KIF16B: variants seen among roughly 807,000 people sequenced by gnomAD.
KIF16B encodes the protein kinesin family member 16B, also known as kinesin-like protein KIF16B.
A neutral mutation model predicts 156.3 loss-of-function variants in KIF16B; 98 were observed. The ratio of observed to expected loss-of-function variants is 0.63; its 90% CI spans 0.53 to 0.74. The LOEUF is 0.74. Among genes scored for constraint, KIF16B ranks in the 30% least tolerant of loss-of-function variants. KIF16B has a pLI of 0.00. For synonymous variants in KIF16B, 564 were observed against 583.7 expected (o/e 0.97, Z 0.49); for missense variants, 1,421 against 1,606.5 (o/e 0.88, Z 1.97).
chr20:16,378,859 C>A lies in KIF16B; in HGVS notation c.3143G>T (p.Gly1048Val). ...CTCAGCCTCCAGGCTAGCCTGGAGC[C>A]CTGACTGCTCTCTGCTGCCACTGTT... ...SLNSGSREQS[G>V]LQASLEAEQE... is the part of the protein sequence containing the mutation. The change falls in exon 19 of 26, where the codon GGG becomes GTG. Residue 1048 changes from glycine to valine, a missense_variant. Gly to Val is a moderately radical substitution (Grantham distance 109). Transcript: ENST00000354981. 1.2e-6 allele frequency: 2 copies of A among 1,614,048 alleles called. No homozygotes were observed. The highest frequency in any genetic ancestry group is 1.7e-6 in the Non-Finnish European group (2 of 1,179,972).
intron 12 of KIF16B, among the ~76,000 whole-genome samples, chr20:16,488,100 A>T (rs2068177036): frequency 6.6e-6 from 1 of 152,218 alleles, no homozygotes; most frequent in Admixed American, 6.5e-5. Flanking sequence ...CAATGAAAAC[A>T]CCAAAGCCAG....
rs1282418381 is a variant in KIF16B at position 16,272,197 on chromosome 20, AT to A, written c.*1055del. ...ATAAAATTGGTGTGAATTATTACAT[AT>A]TTTGATGGAACTACTGTACAGAATG... On this transcript the variant is annotated 3_prime_UTR_variant, in exon 26 of 26. Coordinates refer to ENST00000354981, the MANE Select transcript of KIF16B (RefSeq NM_024704.5). 2 of 152,650 alleles carry A rather than the reference AT, an allele frequency of 1.3e-5. No homozygotes were observed. The highest frequency in any genetic ancestry group is 6.5e-5 in the Admixed American group (1 of 15,286). 9.5% of individuals were successfully genotyped at this position (152,650 alleles called of 1,614,324 possible). A position where few individuals can be genotyped will look rare whatever the true frequency, so the allele number is the denominator to read the frequency against.
intron 1 of KIF16B, among the ~76,000 whole-genome samples, chr20:16,530,024 A>G (rs943501153): frequency 3.3e-5 from 5 of 152,192 alleles, no homozygotes; most frequent in Non-Finnish European, 5.9e-5. Flanking sequence ...CCAAAATTTA[A>G]AAAACAAACA....
intron 25 of KIF16B, among the ~76,000 whole-genome samples, chr20:16,283,598 T>C (rs1374741237): frequency 6.6e-6 from 1 of 152,152 alleles, no homozygotes; most frequent in Non-Finnish European, 1.5e-5. Context: ...TCACAGACAG[T>C]ATGAAAACAG....
At chr20:16,483,122 G>T (rs749756753) in intron 12 of KIF16B, among the ~76,000 whole-genome samples, 2 of 152,286 alleles carry the variant, frequency 1.3e-5, no homozygotes, top group Middle Eastern at 3.4e-3. Context: ...TGGGTAATGC[G>T]TTAGGGAGAT....
chr20:16,504,499 C>A lies in KIF16B; in HGVS notation c.1049G>T (p.Arg350Leu), dbSNP rs1243687691. Residue 350 changes from arginine (R) to leucine (L), a missense_variant, in exon 10 of 26, where the codon CGC becomes CTC. Physicochemically the swap from Arg to Leu is moderately radical, Grantham distance 102. Coordinates refer to ENST00000354981, the MANE Select transcript of KIF16B (RefSeq NM_024704.5). ...GATGTTTTTGGCTCTATTTGCATAG[C>A]GAAGAGTACTTAGGGTTTCTCCATA... ...VNYGETLSTL[R>L]YANRAKNIIN... 6.2e-7 allele frequency: 1 copy of A among 1,613,916 alleles called. No individual in the cohort carries two copies. Among genetic ancestry groups the A allele is most frequent in the Non-Finnish European group, 8.5e-7 (1 of 1,179,928 alleles).
intron 24 of KIF16B, among the ~76,000 whole-genome samples, chr20:16,328,650 G>A (rs993987878): frequency 1.3e-5 from 2 of 152,022 alleles, no homozygotes; most frequent in Non-Finnish European, 2.9e-5. Flanking sequence ...TAGTCCGTTC[G>A]GGCTGCTATA....
At chr20:16,345,822 G>A (rs1366423626) in intron 23 of KIF16B, among the ~76,000 whole-genome samples, 1 of 152,350 alleles carries the variant, frequency 6.6e-6, no homozygotes, top group East Asian at 1.9e-4. Flanking sequence ...CAGGAGGAAC[G>A]GAAAGGCTGG....
chr20:16,491,423 T>C (rs888556973), intron 12 of KIF16B, among the ~76,000 whole-genome samples: 4 of 152,134 alleles, frequency 2.6e-5, no homozygotes, highest in East Asian at 1.9e-4. Context: ...AGTGGAGACA[T>C]AGAGTACAGT....
chr20:16,550,611 T>C (rs549880038), intron 1 of KIF16B, among the ~76,000 whole-genome samples: 1 of 149,858 alleles, frequency 6.7e-6, no homozygotes, highest in Admixed American at 6.7e-5. Flanking sequence ...GAGCTCACTG[T>C]AGCCTCAACC....
chr20:16,363,340 T>C (rs995282508), intron 22 of KIF16B, among the ~76,000 whole-genome samples: 1 of 152,138 alleles, frequency 6.6e-6, no homozygotes, highest in East Asian at 1.9e-4. Context: ...TCAAATTGAA[T>C]ATGTAACTTA....
intron 23 of KIF16B, among the ~76,000 whole-genome samples, chr20:16,336,225 A>G (rs555601043): frequency 4.6e-5 from 7 of 152,332 alleles, no homozygotes; most frequent in Non-Finnish European, 1.0e-4. Context: ...AGATCTTGTT[A>G]CAGGCAGCTT....
chr20:16,396,280 C>T (rs1263117892), intron 17 of KIF16B, among the ~76,000 whole-genome samples: 2 of 152,120 alleles, frequency 1.3e-5, no homozygotes, highest in Non-Finnish European at 2.9e-5. Flanking sequence ...ATCCCGAAAC[C>T]ATCCATCCCC....
intron 25 of KIF16B, among the ~76,000 whole-genome samples, chr20:16,276,933 A>G (rs1006356543): frequency 1.3e-5 from 2 of 152,252 alleles, no homozygotes; most frequent in African/African-American, 2.4e-5. Context: ...ACAGTTTCAC[A>G]AAGTTAATAT....
chr20:16,523,665 T>C (rs62199811), intron 3 of KIF16B, among the ~76,000 whole-genome samples: 36,205 of 152,038 alleles, frequency 0.24, 4,928 homozygotes, highest in East Asian at 0.35. Context: ...ACTTTCTTCA[T>C]AGAATTAGAA....
chr20:16,412,379 A>C (rs888449755), intron 15 of KIF16B, among the ~76,000 whole-genome samples: 1 of 152,108 alleles, frequency 6.6e-6, no homozygotes, highest in East Asian at 1.9e-4. Flanking sequence ...TCTTTCAAGA[A>C]GTCTATGAAT....
At position 16,549,490 on chromosome 20, in the gene KIF16B, G is replaced by A. The variant is rs908279942; in HGVS notation, c.48-21050C>T. On this transcript the variant is annotated intron_variant, in intron 1 of 25. Coordinates refer to ENST00000354981, the MANE Select transcript of KIF16B (RefSeq NM_024704.5). Reference sequence around the variant, plus strand: ...AGTCTTTGCTATTGTGAATAATGCCGCAATAAACATACGTGTGCATGTGTC... The same window carrying A: ...AGTCTTTGCTATTGTGAATAATGCCACAATAAACATACGTGTGCATGTGTC... Among the ~76,000 whole-genome samples, 12 of 151,652 alleles carry A rather than the reference G, an allele frequency of 7.9e-5. No individual in the cohort carries two copies. The South Asian group carries it at 8.4e-4, about 11-fold the overall frequency.
intron 24 of KIF16B, among the ~76,000 whole-genome samples, chr20:16,329,981 C>T (rs1296145569): frequency 6.6e-6 from 1 of 152,060 alleles, no homozygotes; most frequent in African/African-American, 2.4e-5. Context: ...TTACAAAGTA[C>T]AAAAAATTTA....
chr20:16,467,553 A>G (rs2067528096), intron 12 of KIF16B, among the ~76,000 whole-genome samples: 1 of 152,218 alleles, frequency 6.6e-6, no homozygotes, highest in African/African-American at 2.4e-5. Flanking sequence ...AACATGCAAG[A>G]ACATACAGAT....
Sources: gnomAD v4.1 joint callset for allele counts (sites outside exome capture counted in the v4.1 genomes callset) on GRCh38, gnomAD v4.1.1 for gene constraint, MANE v1.5 for transcripts, NCBI Gene and HGNC (gene_info 2026-07-23, HGNC 2026-07-21) for gene names.